The following EXOC4 variants were observed in gnomAD, a reference collection of about 807,000 sequenced individuals.
EXOC4 encodes the protein exocyst complex component 4.
In EXOC4, 71 loss-of-function variants were observed where a neutral mutation model predicts 107.2. That is an observed-to-expected ratio of 0.66 (90% CI 0.55 to 0.81). The LOEUF (loss-of-function observed/expected upper bound fraction) is 0.81, where lower values mean the gene tolerates loss of function less well. Ranked by LOEUF, EXOC4 falls within the 30% of genes least tolerant of loss-of-function variation. The pLI is 0.00. For missense variants in EXOC4, 1,108 were observed against 1,189.6 expected (o/e 0.93, Z 1.01); for synonymous variants, 456 against 441.2 (o/e 1.03, Z -0.42).
At chr7:133,443,613 A>G (rs1219479845) in intron 7 of EXOC4, among the ~76,000 whole-genome samples, 1 of 152,094 alleles carries the variant, frequency 6.6e-6, no homozygotes, top group African/African-American at 2.4e-5. Flanking sequence ...CTACAGATTC[A>G]CTTCCATGCA....
At chr7:133,716,467 G>C (rs181249077) in intron 10 of EXOC4, among the ~76,000 whole-genome samples, 1 of 152,168 alleles carries the variant, frequency 6.6e-6, no homozygotes, top group African/African-American at 2.4e-5. Flanking sequence ...CCTATTCACA[G>C]AATAGTGTAT....
chr7:133,381,995 T>A (rs770809138), intron 7 of EXOC4, among the ~76,000 whole-genome samples: 2 of 152,170 alleles, frequency 1.3e-5, no homozygotes, highest in East Asian at 3.8e-4. Flanking sequence ...GTGATTCTTA[T>A]GCACACTGAA....
At chr7:133,658,819 G>T (rs1195191209) in intron 10 of EXOC4, among the ~76,000 whole-genome samples, 1 of 152,054 alleles carries the variant, frequency 6.6e-6, no homozygotes, top group Non-Finnish European at 1.5e-5. Context: ...TAATAATCCT[G>T]TTTAATCTCA....
rs150142233 is a variant in EXOC4 at position 134,036,492 on chromosome 7, G to A, written c.2688-27799G>A. 5.9e-3 allele frequency among the ~76,000 whole-genome samples: 900 copies of A among 152,292 alleles called. 11 individuals are homozygous for A. The highest frequency in any genetic ancestry group is 0.017 in the Middle Eastern group (5 of 294). ...TGTCCCAGCTACTCAGGAGGCTGAGGTGGGAGGATCCCTTGAGCCTGGGAG... is the reference window on the plus strand; with the variant it reads ...TGTCCCAGCTACTCAGGAGGCTGAGATGGGAGGATCCCTTGAGCCTGGGAG... On this transcript the variant is annotated intron_variant, in intron 17 of 17. Transcript: ENST00000253861.
intron 9 of EXOC4, among the ~76,000 whole-genome samples, chr7:133,500,182 T>C (rs746206627): frequency 2.6e-5 from 4 of 152,308 alleles, no homozygotes; most frequent in East Asian, 1.9e-4. Context: ...TTATTTAAAA[T>C]GAACAGTTTG....
intron 17 of EXOC4, among the ~76,000 whole-genome samples, chr7:134,048,483 G>T (rs1795706973): frequency 6.6e-6 from 1 of 152,160 alleles, no homozygotes; most frequent in Non-Finnish European, 1.5e-5. Flanking sequence ...GTTAGGTCAG[G>T]TTCTCTTTCA....
chr7:133,758,682 T>C (rs1192106882), intron 10 of EXOC4, among the ~76,000 whole-genome samples: 1 of 151,504 alleles, frequency 6.6e-6, no homozygotes, highest in Non-Finnish European at 1.5e-5. Flanking sequence ...TTTTGATAAG[T>C]AAAATAGACA....
Position 133,274,511 on chromosome 7 carries a change from A to G in EXOC4, c.87-471A>G, listed in dbSNP as rs1042218528. Among the ~76,000 whole-genome samples the G allele has an allele frequency of 1.2e-4, 18 of 152,212 alleles. 1 individual carries two copies. Among genetic ancestry groups the G allele is most frequent in the African/African-American group, 3.9e-4 (16 of 41,450 alleles). On this transcript the variant is annotated intron_variant, in intron 1 of 17. Coordinates refer to ENST00000253861, the MANE Select transcript of EXOC4 (RefSeq NM_021807.4). ...CCTTGTTTTTCCTTCCATGGTTGTA[A>G]CATGGCTGAAGTGTCTTAAGTATCT... is the stretch of plus-strand genomic sequence containing the variant.
chr7:133,363,676 T>G (rs1311977792), intron 6 of EXOC4, among the ~76,000 whole-genome samples: 1 of 151,476 alleles, frequency 6.6e-6, no homozygotes, highest in Non-Finnish European at 1.5e-5. Flanking sequence ...AGGTTCAAAT[T>G]AAAGATCTGA....
At chr7:133,594,778 C>A (rs940938024) in intron 9 of EXOC4, among the ~76,000 whole-genome samples, 1 of 152,064 alleles carries the variant, frequency 6.6e-6, no homozygotes, top group Admixed American at 6.5e-5. Flanking sequence ...AGGCATGTAC[C>A]AGTGCTCCCG....
At chr7:133,393,933 G>C (rs991189615) in intron 7 of EXOC4, among the ~76,000 whole-genome samples, 9 of 152,140 alleles carry the variant, frequency 5.9e-5, no homozygotes, top group Non-Finnish European at 1.3e-4. Flanking sequence ...AGCTACGAAG[G>C]TTTGCTATAT....
rs567122666 is a variant in EXOC4 at position 133,320,489 on chromosome 7, A to G, written c.763+3099A>G. On this transcript the variant is annotated intron_variant, in intron 5 of 17. Coordinates refer to ENST00000253861, the MANE Select transcript of EXOC4 (RefSeq NM_021807.4). ...CTTCTGTGCCTCTTTCCTCTTTTTA[A>G]GGACTCGTGATTAGATTGATTCCAC... 5.3e-5 allele frequency among the ~76,000 whole-genome samples: 8 copies of G among 152,068 alleles called. 1 individual carries two copies. In the South Asian group the frequency reaches 1.7e-3, roughly 32 times the overall value.
In EXOC4 at chr7:133,588,181, A is replaced by G. The variant is rs76047033; in HGVS notation, c.1418-41864A>G. Reference sequence around the variant, plus strand: ...TTTAATTGTTCAAATAAATTCAACTATAGTGTAATAGACCAATCATTAGGA... The same window carrying G: ...TTTAATTGTTCAAATAAATTCAACTGTAGTGTAATAGACCAATCATTAGGA... On this transcript the variant is annotated intron_variant, in intron 9 of 17. Coordinates refer to ENST00000253861, the MANE Select transcript of EXOC4 (RefSeq NM_021807.4). Among the ~76,000 whole-genome samples, 875 of 152,314 alleles carry G rather than the reference A, an allele frequency of 5.7e-3. 3 individuals are homozygous for G. Among genetic ancestry groups the G allele is most frequent in the East Asian group, 0.037 (191 of 5,170 alleles).
At chr7:133,455,889 A>G (rs991135428) in intron 7 of EXOC4, among the ~76,000 whole-genome samples, 8 of 152,218 alleles carry the variant, frequency 5.3e-5, no homozygotes, top group African/African-American at 1.7e-4. Flanking sequence ...TGTCTATTGT[A>G]TCCCAAATCA....
chr7:133,703,460 G>A (rs2151089319), intron 10 of EXOC4, among the ~76,000 whole-genome samples: 1 of 152,312 alleles, frequency 6.6e-6, no homozygotes, highest in African/African-American at 2.4e-5. Flanking sequence ...TGGAGGATGA[G>A]CAGAACAGTG....
chr7:133,638,138 T>C (rs1353649872), intron 10 of EXOC4, among the ~76,000 whole-genome samples: 1 of 152,178 alleles, frequency 6.6e-6, no homozygotes, highest in African/African-American at 2.4e-5. Context: ...GAGATAGTTA[T>C]TTTGTTATTT....
intron 13 of EXOC4, among the ~76,000 whole-genome samples, chr7:133,923,977 G>A (rs890328471): frequency 1.5e-5 from 2 of 137,604 alleles, no homozygotes; most frequent in African/African-American, 3.1e-5. Context: ...TGACTATAGT[G>A]TAGAGAGTAA....
At chr7:133,815,405 C>T (rs1165812426) in intron 10 of EXOC4, among the ~76,000 whole-genome samples, 1 of 146,874 alleles carries the variant, frequency 6.8e-6, no homozygotes, top group African/African-American at 2.5e-5. Flanking sequence ...AAACAAAAAA[C>T]TCTATTCCTG....
chr7:133,364,633 G>A (rs1003616048), intron 6 of EXOC4, among the ~76,000 whole-genome samples: 11 of 152,140 alleles, frequency 7.2e-5, no homozygotes, highest in Admixed American at 2.6e-4. Context: ...GGGCCCACAG[G>A]ACTCTATGCC....
Sources: allele counts gnomAD v4.1 joint callset (sites outside exome capture counted in the v4.1 genomes callset), GRCh38; gene constraint gnomAD v4.1.1; transcripts MANE v1.5; gene names NCBI Gene and HGNC (gene_info 2026-07-23, HGNC 2026-07-21).